Variants in DUSP16 observed in about 807,000 individuals in gnomAD.
The protein encoded by DUSP16 is dual specificity protein phosphatase 16.
DUSP16 carries 21 observed loss-of-function variants against 58.3 expected under a neutral mutation model. That is an observed-to-expected ratio of 0.36 (90% CI 0.26 to 0.52). The LOEUF (loss-of-function observed/expected upper bound fraction) is 0.52, where lower values mean the gene tolerates loss of function less well. Ranked by LOEUF, DUSP16 falls within the 20% of genes least tolerant of loss-of-function variation. DUSP16 has a pLI of 0.94. For missense variants in DUSP16, 726 were observed against 819.0 expected (o/e 0.89, Z 1.39); for synonymous variants, 320 against 323.8 (o/e 0.99, Z 0.12).
intron 1 of DUSP16, among the ~76,000 whole-genome samples, chr12:12,542,971 G>A (rs1469696935): frequency 6.6e-6 from 1 of 152,126 alleles, no homozygotes; most frequent in African/African-American, 2.4e-5. Flanking sequence ...GGTATACGAT[G>A]AGAAATTGGT....
intron 5 of DUSP16, among the ~76,000 whole-genome samples, chr12:12,484,828 G>A (rs1042695307): frequency 6.6e-6 from 1 of 151,748 alleles, no homozygotes; most frequent in East Asian, 1.9e-4. Flanking sequence ...CCAGGCTATC[G>A]CAAACTCCAG....
intron 1 of DUSP16, among the ~76,000 whole-genome samples, chr12:12,550,869 A>G (rs943562481): frequency 1.3e-5 from 2 of 151,814 alleles, no homozygotes; most frequent in African/African-American, 4.8e-5. Context: ...CTGCACATGT[A>G]CCCCAAAACT....
Position 12,476,989 on chromosome 12 carries a change from A to G in DUSP16, c.1842T>C (p.His614=), listed in dbSNP as rs2136184092. Residue 614 remains histidine (H), a synonymous_variant, in exon 7 of 7, where the codon CAT becomes CAC. Coordinates refer to ENST00000298573, the MANE Select transcript of DUSP16 (RefSeq NM_030640.3). ...ACTGCTTTTCAAAGGGGCTCTCTTC[A>G]TGCCAGCTCCGCCGCGAGTCAGCTC... ...SDRADSRRSW[H]EESPFEKQFK... is the part of the protein sequence containing the mutation. The G allele has an allele frequency of 6.2e-7, 1 of 1,614,196 alleles. No homozygotes were observed. Among genetic ancestry groups the G allele is most frequent in the South Asian group, 1.1e-5 (1 of 91,086 alleles).
intron 1 of DUSP16, among the ~76,000 whole-genome samples, chr12:12,525,763 A>G (rs185150737): frequency 8.0e-6 from 1 of 124,858 alleles, no homozygotes; most frequent in East Asian, 2.3e-4. Flanking sequence ...CACACACACA[A>G]TTTTCCCCCC....
chr12:12,526,948 C>CG (rs965933008), intron 1 of DUSP16, among the ~76,000 whole-genome samples: 1 of 152,132 alleles, frequency 6.6e-6, no homozygotes, highest in Non-Finnish European at 1.5e-5. Flanking sequence ...CAGGAGGAAG[C>CG]GGGGGGTCCC....
intron 1 of DUSP16, among the ~76,000 whole-genome samples, chr12:12,524,793 T>C (rs1944280737): frequency 6.6e-6 from 1 of 150,660 alleles, no homozygotes; most frequent in Non-Finnish European, 1.5e-5. Flanking sequence ...AAATAGGTAA[T>C]ATATTCATAT....
At chr12:12,487,515 A>G (rs571008245) in intron 4 of DUSP16, among the ~76,000 whole-genome samples, 3 of 152,224 alleles carry the variant, frequency 2.0e-5, no homozygotes, top group Admixed American at 2.0e-4. Flanking sequence ...ATGATTTTAG[A>G]ATATATGGAC....
intron 4 of DUSP16, among the ~76,000 whole-genome samples, chr12:12,496,161 T>C (rs1047909361): frequency 2.0e-5 from 3 of 152,330 alleles, no homozygotes; most frequent in East Asian, 1.9e-4. Context: ...GTCATGTCAA[T>C]TGTTGTTTAA....
chr12:12,511,125 T>C (rs181123961), intron 3 of DUSP16, among the ~76,000 whole-genome samples: 6 of 152,288 alleles, frequency 3.9e-5, no homozygotes, highest in African/African-American at 1.4e-4. Flanking sequence ...AAATGTAACT[T>C]TGGCTGCAGT....
intron 1 of DUSP16, among the ~76,000 whole-genome samples, chr12:12,547,768 T>C (rs1302383996): frequency 6.6e-6 from 1 of 152,182 alleles, no homozygotes; most frequent in Non-Finnish European, 1.5e-5. Flanking sequence ...TGCTACCTTC[T>C]AGCTATTGGC....
At chr12:12,496,015 C>CT (rs1234198080) in intron 4 of DUSP16, among the ~76,000 whole-genome samples, 1 of 152,142 alleles carries the variant, frequency 6.6e-6, no homozygotes, top group African/African-American at 2.4e-5. Context: ...GGTAAAGAGA[C>CT]TGAGATGCAG....
chr12:12,553,311 G>C (rs532263911), intron 1 of DUSP16, among the ~76,000 whole-genome samples: 1 of 152,214 alleles, frequency 6.6e-6, no homozygotes, highest in South Asian at 2.1e-4. Flanking sequence ...ATGGACACCT[G>C]AATATGAATC....
intron 1 of DUSP16, among the ~76,000 whole-genome samples, chr12:12,531,637 G>A (rs951937248): frequency 3.9e-5 from 6 of 152,370 alleles, no homozygotes; most frequent in African/African-American, 9.6e-5. Flanking sequence ...TTGGGAGGCC[G>A]AGGTGGGTGG....
intron 5 of DUSP16, among the ~76,000 whole-genome samples, chr12:12,481,100 G>C (rs2136190010): frequency 6.6e-6 from 1 of 152,166 alleles, no homozygotes; most frequent in South Asian, 2.1e-4. Context: ...CCTTGTATAG[G>C]CTATGAATCA....
intron 3 of DUSP16, among the ~76,000 whole-genome samples, chr12:12,512,384 GTTTA>G (rs1944092407): frequency 6.6e-6 from 1 of 152,092 alleles, no homozygotes; most frequent in African/African-American, 2.4e-5. Context: ...TATATGGTAC[GTTTA>G]TTGTCAACCG....
chr12:12,487,830 T>C (rs1943706872), intron 4 of DUSP16, among the ~76,000 whole-genome samples: 1 of 152,238 alleles, frequency 6.6e-6, no homozygotes, highest in Admixed American at 6.5e-5. Flanking sequence ...CCCAAATTGG[T>C]TTAGGGTAAT....
In DUSP16 at chr12:12,476,929, C is replaced by G. The variant is rs1698400659; in HGVS notation, c.1902G>C (p.Glu634Asp). ...GTGACCTGTTCTCTGACATGATGCT[C>G]TCTCCAAATTCCATTTGGCAGCTTC... Reference protein sequence around the residue: ...KRRSCQMEFGESIMSENRSRE... With the variant: ...KRRSCQMEFGDSIMSENRSRE... Residue 634 changes from glutamate to aspartate, a missense_variant, in exon 7 of 7, where the codon GAG becomes GAC. By Grantham distance (45) the Glu-to-Asp change is conservative. Coordinates refer to ENST00000298573, the MANE Select transcript of DUSP16 (RefSeq NM_030640.3). 6.2e-7 allele frequency: 1 copy of G among 1,614,158 alleles called. No individual in the cohort carries two copies. The highest frequency in any genetic ancestry group is 1.6e-4 in the Middle Eastern group (1 of 6,062).
chr12:12,558,231 A>G (rs1259139495), intron 1 of DUSP16, among the ~76,000 whole-genome samples: 6 of 152,366 alleles, frequency 3.9e-5, no homozygotes, highest in Admixed American at 3.3e-4. Flanking sequence ...TAATAATTTC[A>G]GTTTATAATG....
At position 12,519,019 on chromosome 12, in the gene DUSP16, A is replaced by G. The variant is rs139252492; in HGVS notation, c.367+843T>C. Among the ~76,000 whole-genome samples, 33 of 152,362 alleles carry G rather than the reference A, an allele frequency of 2.2e-4. No homozygotes were observed. The East Asian group carries it at 6.4e-3, about 29-fold the overall frequency. ...CAAATGTTTAAAAGCACTCTTGCCT[A>G]TCACTGAAGCTGAATCCGCCCAACA... On this transcript the variant is annotated intron_variant, in intron 3 of 6. Transcript: ENST00000298573.
Sources: allele counts gnomAD v4.1 joint callset (sites outside exome capture counted in the v4.1 genomes callset), GRCh38; gene constraint gnomAD v4.1.1; transcripts MANE v1.5; gene names NCBI Gene and HGNC (gene_info 2026-07-23, HGNC 2026-07-21).